BFSP1: variants seen among roughly 807,000 people sequenced by gnomAD.
The protein encoded by BFSP1 is beaded filament structural protein 1.
A neutral mutation model predicts 43.9 loss-of-function variants in BFSP1; 38 were observed. The ratio of observed to expected loss-of-function variants is 0.87; its 90% CI spans 0.67 to 1.14. The LOEUF is 1.14. BFSP1 is among the 50% of genes most tolerant of loss of function. BFSP1 has a pLI of 0.00. For synonymous variants in BFSP1, 352 were observed against 354.8 expected, an observed-to-expected ratio of 0.99 and a Z score of 0.09; for missense variants, 850 against 875.1, an observed-to-expected ratio of 0.97 and a Z score of 0.36.
intron 1 of BFSP1, among the ~76,000 whole-genome samples, chr20:17,564,097 C>T (rs572598264): frequency 4.5e-4 from 69 of 151,882 alleles, no homozygotes; most frequent in Non-Finnish European, 8.1e-4. Context: ...CTTTGGGAGG[C>T]GGAGGCAGGA....
intron 1 of BFSP1, among the ~76,000 whole-genome samples, chr20:17,564,201 G>GAC (rs1314228846): frequency 6.6e-6 from 1 of 151,504 alleles, no homozygotes; most frequent in Non-Finnish European, 1.5e-5. Context: ...CACAGACACA[G>GAC]ACACACACAC....
chr20:17,542,765 T>A (rs2034740197), intron 1 of BFSP1, among the ~76,000 whole-genome samples: 1 of 152,224 alleles, frequency 6.6e-6, no homozygotes, highest in African/African-American at 2.4e-5. Context: ...TAAATTTAAA[T>A]GCTAAGTTTT....
At chr20:17,508,683 A>G (rs1004569455) in intron 5 of BFSP1, among the ~76,000 whole-genome samples, 2 of 152,176 alleles carry the variant, frequency 1.3e-5, no homozygotes, top group Admixed American at 6.5e-5. Flanking sequence ...CCCCCAGCTC[A>G]GGACTCTCCC....
intron 5 of BFSP1, among the ~76,000 whole-genome samples, chr20:17,501,629 T>C (rs2033804765): frequency 6.7e-6 from 1 of 149,232 alleles, no homozygotes; most frequent in Non-Finnish European, 1.5e-5. Flanking sequence ...TGTTCAGCCA[T>C]AGATCTGTTG....
At chr20:17,537,402 A>G (rs2034644325) in intron 1 of BFSP1, among the ~76,000 whole-genome samples, 1 of 152,104 alleles carries the variant, frequency 6.6e-6, no homozygotes, top group Non-Finnish European at 1.5e-5. Flanking sequence ...GTCACAGCAG[A>G]TGGAGAAACA....
chr20:17,498,111 TG>T (rs2033700234), intron 6 of BFSP1, among the ~76,000 whole-genome samples: 1 of 152,192 alleles, frequency 6.6e-6, no homozygotes, highest in Non-Finnish European at 1.5e-5. Flanking sequence ...CTGCTCCTGG[TG>T]GGGACCTCAG....
At chr20:17,527,110 A>G (rs970996283) in intron 1 of BFSP1, among the ~76,000 whole-genome samples, 3 of 152,268 alleles carry the variant, frequency 2.0e-5, no homozygotes, top group Admixed American at 2.0e-4. Flanking sequence ...TGCAATGTGC[A>G]CGCATTCCCA....
chr20:17,536,830 A>G (rs1014494081), intron 1 of BFSP1, among the ~76,000 whole-genome samples: 1 of 152,204 alleles, frequency 6.6e-6, no homozygotes. Context: ...GAACAGGTCA[A>G]TCTGTTTTCT....
At position 17,495,109 on chromosome 20, in the gene BFSP1, A is replaced by C. The variant is rs1173518053; in HGVS notation, c.1043-80T>G. On this transcript the variant is annotated intron_variant, in intron 7 of 7. Transcript: ENST00000377873. Reference sequence around the variant, plus strand: ...AAATACGCTGGTTGGAAAATAGGCTAACTCTCTCGGAAACAAACGCCTATA... The same window carrying C: ...AAATACGCTGGTTGGAAAATAGGCTCACTCTCTCGGAAACAAACGCCTATA... 13 of 1,361,498 alleles carry C rather than the reference A, an allele frequency of 9.5e-6. No homozygotes were observed. In the East Asian group the frequency reaches 2.7e-4, roughly 29 times the overall value. The allele number at this position is 1,361,498 out of a possible 1,614,324, so 84.3% of individuals were successfully genotyped here.
At chr20:17,505,206 G>A (rs1267888018) in intron 5 of BFSP1, among the ~76,000 whole-genome samples, 1 of 152,150 alleles carries the variant, frequency 6.6e-6, no homozygotes, top group Non-Finnish European at 1.5e-5. Flanking sequence ...TTGAAGGAGA[G>A]GCTTCCAGCT....
intron 5 of BFSP1, 71 bp downstream of exon 5, chr20:17,508,818 T>C: frequency 2.2e-6 from 3 of 1,347,790 alleles, no homozygotes; most frequent in South Asian, 3.1e-5. Flanking sequence ...GCTGCATGCG[T>C]GTGCCTGCGC....
intron 1 of BFSP1, among the ~76,000 whole-genome samples, chr20:17,539,772 A>G (rs1447448201): frequency 1.3e-5 from 2 of 152,070 alleles, no homozygotes; most frequent in Non-Finnish European, 2.9e-5. Flanking sequence ...TCTCAAAAAA[A>G]AAGACAAAAA....
At chr20:17,501,825 C>T (rs886323452) in intron 5 of BFSP1, among the ~76,000 whole-genome samples, 12 of 152,190 alleles carry the variant, frequency 7.9e-5, no homozygotes, top group Non-Finnish European at 1.3e-4. Flanking sequence ...CTGACCTAGG[C>T]TGGCCTGTCA....
chr20:17,520,059 T>C (rs1277900920), intron 2 of BFSP1, among the ~76,000 whole-genome samples: 3 of 152,222 alleles, frequency 2.0e-5, no homozygotes, highest in African/African-American at 7.2e-5. Flanking sequence ...GATAATTGCC[T>C]ATGTCCTAGA....
At chr20:17,511,943 G>T in intron 4 of BFSP1, 33 bp downstream of exon 4, 1 of 1,544,616 alleles carries the variant, frequency 6.5e-7, no homozygotes, top group Non-Finnish European at 8.9e-7. Flanking sequence ...TTCCCTCCAG[G>T]GCTGGTTTGC....
At chr20:17,499,887 C>T (rs984262778) in intron 5 of BFSP1, among the ~76,000 whole-genome samples, 3 of 152,126 alleles carry the variant, frequency 2.0e-5, no homozygotes, top group Non-Finnish European at 4.4e-5. Context: ...CACCATTGCA[C>T]TCCAGCCTGG....
chr20:17,568,063 T>C (rs756743091), intron 1 of BFSP1, among the ~76,000 whole-genome samples: 8 of 151,552 alleles, frequency 5.3e-5, no homozygotes, highest in Non-Finnish European at 8.8e-5. Context: ...AGCAGGCCCA[T>C]GATCAAGGTA....
intron 1 of BFSP1, among the ~76,000 whole-genome samples, chr20:17,547,260 C>T (rs748001741): frequency 6.6e-6 from 1 of 151,858 alleles, no homozygotes; most frequent in African/African-American, 2.4e-5. Context: ...TCCTATTGTA[C>T]CTCAATTCCC....
chr20:17,509,698 G>T (rs1156936549), intron 4 of BFSP1, among the ~76,000 whole-genome samples: 1 of 152,206 alleles, frequency 6.6e-6, no homozygotes, highest in Non-Finnish European at 1.5e-5. Context: ...CGAGCCATAC[G>T]CTGTGCTCGG....
Sources: gnomAD v4.1 joint callset for allele counts (sites outside exome capture counted in the v4.1 genomes callset) on GRCh38, gnomAD v4.1.1 for gene constraint, MANE v1.5 for transcripts, NCBI Gene and HGNC (gene_info 2026-07-23, HGNC 2026-07-21) for gene names.